The following RARB variants were observed in gnomAD, a reference collection of about 807,000 sequenced individuals.
RARB encodes the protein HBV-activated protein.
RARB carries 17 observed loss-of-function variants against 51.9 expected under a neutral mutation model. That is an observed-to-expected ratio of 0.33 (90% confidence interval 0.22 to 0.49). RARB has a LOEUF of 0.49. Ranked by LOEUF, RARB falls within the 20% of genes least tolerant of loss-of-function variation. The pLI is 0.99. For missense variants in RARB, 369 were observed against 550.8 expected (o/e 0.67, Z 3.30); for synonymous variants, 215 against 195.4 (o/e 1.10, Z -0.84).
At chr3:25,307,730 G>T (rs1408596586) in intron 5 of RARB, among the ~76,000 whole-genome samples, 1 of 152,268 alleles carries the variant, frequency 6.6e-6, no homozygotes, top group Non-Finnish European at 1.5e-5. Flanking sequence ...GAATGAGGAC[G>T]AGGCACACAG....
At position 25,538,362 on chromosome 3, in the gene RARB, C is replaced by T. The variant is rs1575498465; in HGVS notation, c.449-31396C>T. On this transcript the variant is annotated intron_variant, in intron 3 of 7. Transcript: ENST00000330688. ...GGGATTGACTTGGTAATGCGGGCTC[C>T]TTTTTTTTGCTAAGCATCATTTTGA... is the stretch of plus-strand genomic sequence containing the variant. Among the ~76,000 whole-genome samples, 6 of 151,934 alleles carry T rather than the reference C, an allele frequency of 3.9e-5. No individual in the cohort carries two copies. In the South Asian group the frequency reaches 8.4e-4, roughly 21 times the overall value.
intron 5 of RARB, among the ~76,000 whole-genome samples, chr3:25,364,537 A>G (rs1174217654): frequency 6.6e-6 from 1 of 152,236 alleles, no homozygotes; most frequent in Non-Finnish European, 1.5e-5. Flanking sequence ...AGAAAGAACA[A>G]TATAGACAAA....
chr3:25,344,168 T>C (rs1705318249), intron 5 of RARB, among the ~76,000 whole-genome samples: 1 of 152,234 alleles, frequency 6.6e-6, no homozygotes, highest in Non-Finnish European at 1.5e-5. Flanking sequence ...TCTTCATTTC[T>C]TCTTTCATGC....
At chr3:24,855,902 C>T (rs1472437820) in intron 1 of RARB, among the ~76,000 whole-genome samples, 1 of 151,988 alleles carries the variant, frequency 6.6e-6, no homozygotes, top group African/African-American at 2.4e-5. Flanking sequence ...CAGGCCCCCA[C>T]CACCACGCCC....
intron 2 of RARB, among the ~76,000 whole-genome samples, chr3:24,885,066 C>G (rs1703242516): frequency 6.6e-6 from 1 of 152,108 alleles, no homozygotes; most frequent in Non-Finnish European, 1.5e-5. Flanking sequence ...GCTTGTCTAC[C>G]AGCTGGCCAG....
intron 5 of RARB, among the ~76,000 whole-genome samples, chr3:25,333,368 T>C (rs935405192): frequency 1.3e-5 from 2 of 151,976 alleles, no homozygotes; most frequent in African/African-American, 4.8e-5. Flanking sequence ...TCAGAAATAA[T>C]ACCACACATC....
intron 5 of RARB, among the ~76,000 whole-genome samples, chr3:25,301,623 A>G (rs970277568): frequency 4.6e-5 from 7 of 152,116 alleles, no homozygotes; most frequent in South Asian, 2.1e-4. Flanking sequence ...TCCATCTACC[A>G]TCTTAAACTG....
intron 5 of RARB, among the ~76,000 whole-genome samples, chr3:25,337,998 C>T (rs1000352000): frequency 6.6e-6 from 1 of 151,976 alleles, no homozygotes; most frequent in African/African-American, 2.4e-5. Context: ...TCTCTACAAA[C>T]ATTCAACACT....
At chr3:25,245,153 C>G (rs572259327) in intron 5 of RARB, among the ~76,000 whole-genome samples, 2 of 152,038 alleles carry the variant, frequency 1.3e-5, no homozygotes, top group Non-Finnish European at 2.9e-5. Flanking sequence ...TTTCCATTTG[C>G]TTGGTAAATC....
rs543273210 is a variant in RARB at position 25,334,446 on chromosome 3, G to A, written c.179-126747G>A. Among the ~76,000 whole-genome samples, 171 of 152,168 alleles carry A rather than the reference G, an allele frequency of 1.1e-3. 1 individual carries two copies. The highest frequency in any genetic ancestry group is 8.5e-3 in the Admixed American group (130 of 15,276). On this transcript the variant is annotated intron_variant, in intron 5 of 11. Transcript: ENST00000383772. Reference sequence around the variant, plus strand: ...TTGCAAGGACAGAAAAGCAAACACCGCATGTTCTCACTCATAGGTGGGAAT... The same window carrying A: ...TTGCAAGGACAGAAAAGCAAACACCACATGTTCTCACTCATAGGTGGGAAT...
chr3:25,460,539 C>T (rs1178600979), intron 1 of RARB, among the ~76,000 whole-genome samples: 1 of 151,918 alleles, frequency 6.6e-6, no homozygotes, highest in Non-Finnish European at 1.5e-5. Context: ...CCTCTGCCTC[C>T]TGGGTTCAAG....
At chr3:25,363,793 A>C (rs1346023602) in intron 5 of RARB, among the ~76,000 whole-genome samples, 1 of 152,176 alleles carries the variant, frequency 6.6e-6, no homozygotes, top group East Asian at 1.9e-4. Context: ...AAAGTCCTAC[A>C]TGATCTGTGG....
At chr3:25,543,383 C>T (rs1007868932) in intron 3 of RARB, among the ~76,000 whole-genome samples, 9 of 152,148 alleles carry the variant, frequency 5.9e-5, no homozygotes, top group African/African-American at 2.2e-4. Context: ...TTCCTACTCT[C>T]CTTGACATAC....
intron 2 of RARB, among the ~76,000 whole-genome samples, chr3:24,860,943 G>A (rs1283859041): frequency 6.6e-6 from 1 of 152,154 alleles, no homozygotes; most frequent in Non-Finnish European, 1.5e-5. Context: ...ACTATACCAT[G>A]TAGCCTAGGT....
chr3:24,903,895 T>C (rs904633576), intron 2 of RARB, among the ~76,000 whole-genome samples: 1 of 152,188 alleles, frequency 6.6e-6, no homozygotes, highest in Non-Finnish European at 1.5e-5. Flanking sequence ...AGTTATATGG[T>C]ATAGTGATCT....
At chr3:25,057,780 G>C (rs2125302571) in intron 2 of RARB, among the ~76,000 whole-genome samples, 1 of 152,012 alleles carries the variant, frequency 6.6e-6, no homozygotes, top group South Asian at 2.1e-4. Context: ...GATTGAGAAA[G>C]CTAAACTATC....
At chr3:24,867,810 C>T (rs1476551993) in intron 2 of RARB, among the ~76,000 whole-genome samples, 1 of 151,876 alleles carries the variant, frequency 6.6e-6, no homozygotes. Flanking sequence ...TTTGGAAATT[C>T]TCTTAAGAAA....
intron 3 of RARB, among the ~76,000 whole-genome samples, chr3:25,566,097 C>G (rs1003078536): frequency 1.3e-5 from 2 of 152,218 alleles, no homozygotes; most frequent in East Asian, 3.9e-4. Flanking sequence ...GCTACCATCC[C>G]TAGGCCCCCG....
chr3:25,099,054 G>T (rs1228403375), intron 3 of RARB, among the ~76,000 whole-genome samples: 1 of 152,180 alleles, frequency 6.6e-6, no homozygotes, highest in East Asian at 1.9e-4. Flanking sequence ...GTGCTTGGCT[G>T]TGTACCTAGC....
Sources: allele counts gnomAD v4.1 joint callset (sites outside exome capture counted in the v4.1 genomes callset), GRCh38; gene constraint gnomAD v4.1.1; transcripts MANE v1.5; gene names NCBI Gene and HGNC (gene_info 2026-07-23, HGNC 2026-07-21).